DCAF5: variants seen among roughly 807,000 people sequenced by gnomAD.
The protein encoded by DCAF5 is DDB1 and CUL4 associated factor 5, also known as DDB1- and CUL4-associated factor 5.
In DCAF5, 9 loss-of-function variants were observed where a neutral mutation model predicts 80.7. That is an observed-to-expected ratio of 0.11 (90% CI 0.07 to 0.19). The LOEUF (loss-of-function observed/expected upper bound fraction) is 0.19, where lower values mean the gene tolerates loss of function less well. DCAF5 is among the 10% of genes least tolerant of loss of function. The probability of loss-of-function intolerance (pLI) is 1.00; values close to 1 mark genes in which losing one functional copy is unlikely to be tolerated. For synonymous variants in DCAF5, 433 were observed against 461.9 expected (o/e 0.94, Z 0.80); for missense variants, 842 against 1,205.7 (o/e 0.70, Z 4.47).
intron 1 of DCAF5, among the ~76,000 whole-genome samples, chr14:69,134,920 T>C (rs540972217): frequency 4.0e-4 from 61 of 152,322 alleles, no homozygotes; most frequent in African/African-American, 1.4e-3. Context: ...TTCACACCCA[T>C]TGACTCAGAA....
At chr14:69,139,254 G>T (rs2041285493) in intron 1 of DCAF5, among the ~76,000 whole-genome samples, 1 of 151,868 alleles carries the variant, frequency 6.6e-6, no homozygotes, top group Non-Finnish European at 1.5e-5. Context: ...TGGGAGGCAG[G>T]GTGGGAAGAT....
chr14:69,091,731 C>T lies in DCAF5; in HGVS notation c.822G>A (p.Gln274=), dbSNP rs1379634457. Residue 274 remains glutamine, a synonymous_variant, in exon 6 of 9, where the codon CAG becomes CAA. Coordinates refer to ENST00000341516, the MANE Select transcript of DCAF5 (RefSeq NM_003861.3). ...SRLPVFQFDN[Q]GYFNSCTMKS... ...TCATGGTGCATGAGTTGAAGTAACC[C>T]TGATTGTCAAACTGAAACACAGGCA... 1 of 1,614,034 alleles carries T rather than the reference C, an allele frequency of 6.2e-7. No individual in the cohort carries two copies. Among genetic ancestry groups the T allele is most frequent in the African/African-American group, 1.3e-5 (1 of 74,918 alleles).
At chr14:69,109,969 T>C (rs531541663) in intron 5 of DCAF5, among the ~76,000 whole-genome samples, 1 of 152,326 alleles carries the variant, frequency 6.6e-6, no homozygotes, top group Admixed American at 6.5e-5. Context: ...TCCATACCCT[T>C]GTTAACACCT....
intron 4 of DCAF5, among the ~76,000 whole-genome samples, chr14:69,116,735 A>G (rs2040556351): frequency 6.6e-6 from 1 of 152,318 alleles, no homozygotes; most frequent in South Asian, 2.1e-4. Context: ...AGAAATATAT[A>G]TAGCAGCTAT....
At chr14:69,143,553 C>CTTTTTTTTTTTTTTTTTTTTTT (rs562355110) in intron 1 of DCAF5, among the ~76,000 whole-genome samples, 1 of 102,202 alleles carries the variant, frequency 9.8e-6, no homozygotes. Context: ...ATCTGTTAAA[C>CTTTTTTTTTTTTTTTTTTTTTT]TTTTTTTTTT....
At chr14:69,126,346 G>A (rs1284063016) in intron 1 of DCAF5, among the ~76,000 whole-genome samples, 2 of 151,880 alleles carry the variant, frequency 1.3e-5, no homozygotes, top group African/African-American at 2.4e-5. Context: ...TAGTAGGGAC[G>A]GGGTTTCACC....
chr14:69,056,564 A>G (rs1305240984), intron 8 of DCAF5, among the ~76,000 whole-genome samples: 1 of 152,236 alleles, frequency 6.6e-6, no homozygotes, highest in Non-Finnish European at 1.5e-5. Flanking sequence ...AGAGCAGCCC[A>G]GTTACATCAG....
At chr14:69,122,419 G>A in intron 1 of DCAF5, 59 bp from the exon 2 acceptor site, 1 of 1,559,982 alleles carries the variant, frequency 6.4e-7, no homozygotes, top group Non-Finnish European at 8.8e-7. Flanking sequence ...GCTGACAGAT[G>A]GTTTTGCCAG....
At chr14:69,124,753 C>A (rs2040825778) in intron 1 of DCAF5, among the ~76,000 whole-genome samples, 1 of 152,194 alleles carries the variant, frequency 6.6e-6, no homozygotes, top group Non-Finnish European at 1.5e-5. Context: ...TTCCACACTG[C>A]AAACAGACTT....
At chr14:69,083,468 A>T in intron 6 of DCAF5, 1 of 327,978 alleles carries the variant, frequency 3.0e-6, no homozygotes, top group Admixed American at 3.6e-5. Flanking sequence ...CGGCAGTGGA[A>T]CCTAAAGTTG....
At chr14:69,093,161 T>C (rs1249309265) in intron 5 of DCAF5, among the ~76,000 whole-genome samples, 2 of 152,186 alleles carry the variant, frequency 1.3e-5, no homozygotes, top group Non-Finnish European at 2.9e-5. Flanking sequence ...TGACTGCTCA[T>C]AGTCCATGTC....
Position 69,055,691 on chromosome 14 carries a change from G to T in DCAF5, c.1075-80C>A. 1 of 1,397,470 alleles carries T rather than the reference G, an allele frequency of 7.2e-7. No individual in the cohort carries two copies. Among genetic ancestry groups the T allele is most frequent in the Non-Finnish European group, 9.8e-7 (1 of 1,021,084 alleles). The allele number at this position is 1,397,470 out of a possible 1,614,324, so 86.6% of individuals were successfully genotyped here. A position where few individuals can be genotyped will look rare whatever the true frequency, so the allele number is the denominator to read the frequency against. Reference sequence around the variant, plus strand: ...CACTGGTGGTGATAAAGAACACCAAGGCAGAACTTCCCCAGACTCTCCCTG... The same window carrying T: ...CACTGGTGGTGATAAAGAACACCAATGCAGAACTTCCCCAGACTCTCCCTG... On this transcript the variant is annotated intron_variant, in intron 8 of 8. Coordinates refer to ENST00000341516, the MANE Select transcript of DCAF5 (RefSeq NM_003861.3). The surrounding 1 kb of genome is among the most constrained non-coding windows in gnomAD (Gnocchi z 5.6).
At chr14:69,113,254 G>A (rs2040432210) in intron 5 of DCAF5, among the ~76,000 whole-genome samples, 14 of 152,098 alleles carry the variant, frequency 9.2e-5, no homozygotes, top group Admixed American at 9.2e-4. Context: ...TCTGTTTCTA[G>A]GACAGCAGGC....
At chr14:69,131,005 T>C (rs2041023425) in intron 1 of DCAF5, among the ~76,000 whole-genome samples, 1 of 152,232 alleles carries the variant, frequency 6.6e-6, no homozygotes, top group African/African-American at 2.4e-5. Context: ...CTTAGCCCAG[T>C]GTGATATATA....
At chr14:69,070,290 C>G (rs1217490304) in intron 7 of DCAF5, among the ~76,000 whole-genome samples, 2 of 152,176 alleles carry the variant, frequency 1.3e-5, no homozygotes, top group Non-Finnish European at 1.5e-5. Flanking sequence ...CTTTCCCACA[C>G]ATTGCCAAAT....
chr14:69,153,014 C>T lies in DCAF5; in HGVS notation c.-36G>A. The T allele has an allele frequency of 1.3e-6, 2 of 1,502,778 alleles. No individual in the cohort carries two copies. Among genetic ancestry groups the T allele is most frequent in the Non-Finnish European group, 1.8e-6 (2 of 1,129,124 alleles). 93.1% of individuals were successfully genotyped at this position (1,502,778 alleles called of 1,614,324 possible). On this transcript the variant is annotated 5_prime_UTR_variant, in exon 1 of 9. Transcript: ENST00000341516. ...CCGCCGCCGCCGCTCGCGCCGCCGC[C>T]CCTCCCTCGGCCTCACGCGCGGCCG...
intron 7 of DCAF5, among the ~76,000 whole-genome samples, chr14:69,068,866 C>A (rs1032078623): frequency 6.6e-6 from 1 of 152,134 alleles, no homozygotes; most frequent in Non-Finnish European, 1.5e-5. Context: ...ACTGACAATA[C>A]GGACAGAGCA....
intron 6 of DCAF5, chr14:69,090,576 TA>T: frequency 6.5e-6 from 1 of 153,324 alleles, no homozygotes; most frequent in East Asian, 1.9e-4. Flanking sequence ...ATTCGGCTCC[TA>T]TTACATCTAC....
Position 69,054,271 on chromosome 14 carries a change from G to C in DCAF5, c.2415C>G (p.Leu805=). The C allele has an allele frequency of 6.2e-7, 1 of 1,614,260 alleles. No homozygotes were observed. Residue 805 remains leucine (L), a synonymous_variant, in exon 9 of 9, where the codon CTC becomes CTG. Coordinates refer to ENST00000341516, the MANE Select transcript of DCAF5 (RefSeq NM_003861.3). ...PPVPKASGST[L]NSGSGNCPRT... is the part of the protein sequence containing the mutation. ...TGGGACAGTTGCCAGACCCGCTGTT[G>C]AGAGTGGAGCCAGATGCCTTGGGGA...
Sources: allele counts gnomAD v4.1 joint callset (sites outside exome capture counted in the v4.1 genomes callset), GRCh38; gene constraint gnomAD v4.1.1; non-coding constraint Gnocchi (gnomAD v3.1); transcripts MANE v1.5; gene names NCBI Gene and HGNC (gene_info 2026-07-23, HGNC 2026-07-21).